Variants in TMEM260 observed in about 807,000 individuals in gnomAD.
The protein encoded by TMEM260 is protein O-mannosyl-transferase TMEM260.
TMEM260 carries 82 observed loss-of-function variants against 88.9 expected under a neutral mutation model. The observed-to-expected ratio is 0.92, with a 90% CI of 0.77 to 1.11. TMEM260 has a LOEUF of 1.11. TMEM260 is among the 50% of genes least tolerant of loss of function. The pLI is 0.00. For missense variants in TMEM260, 902 were observed against 853.4 expected (o/e 1.06, Z -0.71); for synonymous variants, 314 against 309.3 (o/e 1.02, Z -0.16).
downstream of TMEM260, chr14:56,650,384 TCTGA>T (rs1890183132): frequency 2.2e-5 from 5 of 226,434 alleles, no homozygotes; most frequent in South Asian, 2.8e-4. Flanking sequence ...TCCCATGTTA[TCTGA>T]CTAACCACTG....
chr14:56,642,344 A>G (rs1179901473), intron 15 of TMEM260, among the ~76,000 whole-genome samples: 1 of 152,192 alleles, frequency 6.6e-6, no homozygotes, highest in African/African-American at 2.4e-5. Context: ...AGAACTCAGG[A>G]TTAAGAAACT....
chr14:56,605,803 A>G (rs557004874), intron 5 of TMEM260, 120 bp downstream of exon 5: 8 of 584,808 alleles, frequency 1.4e-5, no homozygotes, highest in Non-Finnish European at 2.0e-5. Context: ...AGCATAAATA[A>G]CCCTAGGGCC....
the TMEM260 span, among the ~76,000 whole-genome samples, chr14:56,658,173 G>A: frequency 6.6e-6 from 1 of 152,170 alleles, no homozygotes; most frequent in African/African-American, 2.4e-5. Context: ...AGCAGGCCCT[G>A]CTTCCACAAA....
intron 15 of TMEM260, among the ~76,000 whole-genome samples, chr14:56,641,535 C>G (rs1889593555): frequency 6.6e-6 from 1 of 152,134 alleles, no homozygotes; most frequent in East Asian, 1.9e-4. Context: ...TGGAAAGGAA[C>G]AACCAGTACC....
At chr14:56,652,755 G>C (rs940815534), downstream of TMEM260, among the ~76,000 whole-genome samples, 2 of 152,138 alleles carry the variant, frequency 1.3e-5, no homozygotes, top group South Asian at 2.1e-4. Flanking sequence ...TTTTTACTTA[G>C]AGTGTCATAA....
rs761504259 is a variant in TMEM260, at chr14:56,585,820, GT to G, written c.255del (p.Pro86LeufsTer19). On this transcript the variant is annotated frameshift_variant, in exon 3 of 16. Coordinates refer to ENST00000261556, the MANE Select transcript of TMEM260 (RefSeq NM_017799.4). LOFTEE classifies it high-confidence loss of function. ...TGGTGGCTAAACTGGCAATTACACT[GT>G]TTCCTTTTGGTTCAATTGCCTACCG... ...TLVAKLAITL[F>X]PFGSIAYRVN... is the part of the protein sequence containing the mutation. The G allele has an allele frequency of 4.3e-6, 7 of 1,613,108 alleles. No homozygotes were observed. The highest frequency in any genetic ancestry group is 5.9e-6 in the Non-Finnish European group (7 of 1,179,588).
chr14:56,640,474 T>G lies in TMEM260; in HGVS notation c.1869+3876T>G, dbSNP rs1483096412. ...GGAAAACTAACAAACAGAAAGGACA[T>G]CCACACCAAAAACCCATCTGTACAT... On this transcript the variant is annotated intron_variant, in intron 15 of 15. Transcript: ENST00000261556. 2.6e-5 allele frequency among the ~76,000 whole-genome samples: 4 copies of G among 151,972 alleles called. 1 individual carries two copies. Among genetic ancestry groups the G allele is most frequent in the Non-Finnish European group, 2.9e-5 (2 of 67,982 alleles).
the TMEM260 span, among the ~76,000 whole-genome samples, chr14:56,658,459 C>T: frequency 6.6e-6 from 1 of 152,036 alleles, no homozygotes; most frequent in East Asian, 1.9e-4. Flanking sequence ...GTTAGCCAGG[C>T]TGGTCTCAAA....
rs762051871 is a variant in TMEM260 at position 56,647,407 on chromosome 14, A to G, written c.2034A>G (p.Ala678=). The G allele has an allele frequency of 2.6e-5, 42 of 1,614,098 alleles. No individual in the cohort carries two copies. Among genetic ancestry groups the G allele is most frequent in the Non-Finnish European group, 3.4e-5 (40 of 1,180,042 alleles). ...ATTTCCGTCTGTACTCTCAGAAAGCACCGAATGACCCACAGCAAGCTGATA... is the reference window on the plus strand; with the variant it reads ...ATTTCCGTCTGTACTCTCAGAAAGCGCCGAATGACCCACAGCAAGCTGATA... ...IRHFRLYSQK[A]PNDPQQADIL... The change falls in exon 16 of 16, where the codon GCA becomes GCG. Residue 678 remains alanine (A), a synonymous_variant. Transcript: ENST00000261556.
chr14:56,624,197 A>AT (rs1359312447), intron 11 of TMEM260, among the ~76,000 whole-genome samples: 15 of 152,150 alleles, frequency 9.9e-5, no homozygotes, highest in Non-Finnish European at 2.1e-4. Flanking sequence ...AGCATACTTG[A>AT]TTTTTTTAAT....
intron 14 of TMEM260, among the ~76,000 whole-genome samples, chr14:56,636,003 T>C (rs2139634681): frequency 6.6e-6 from 1 of 152,316 alleles, no homozygotes; most frequent in African/African-American, 2.4e-5. Flanking sequence ...TGATTGAATG[T>C]GGGAAAGCGG....
chr14:56,628,947 G>A (rs1888407864), intron 12 of TMEM260, among the ~76,000 whole-genome samples: 1 of 150,888 alleles, frequency 6.6e-6, no homozygotes, highest in Non-Finnish European at 1.5e-5. Flanking sequence ...CCAGGCAGGA[G>A]TACAGTGGCA....
chr14:56,611,268 C>T (rs1485524729), intron 6 of TMEM260, among the ~76,000 whole-genome samples: 1 of 152,008 alleles, frequency 6.6e-6, no homozygotes, highest in Non-Finnish European at 1.5e-5. Flanking sequence ...ACCCAGCCTG[C>T]CAATTATTAC....
intron 3 of TMEM260, among the ~76,000 whole-genome samples, chr14:56,593,677 C>CTTTTTTTTTTTTTTTTTTT (rs34268894): frequency 1.6e-5 from 1 of 63,506 alleles, no homozygotes; most frequent in East Asian, 4.7e-4. Flanking sequence ...AGGTGAGTGT[C>CTTTTTTTTTTTTTTTTTTT]TTTTTTTTTT....
At chr14:56,652,489 CAA>C (rs34203722), downstream of TMEM260, among the ~76,000 whole-genome samples, 2,703 of 115,166 alleles carry the variant, frequency 0.023, 36 homozygotes, top group Middle Eastern at 0.08. Context: ...CAGAGTGTCT[CAA>C]AAAAAAAAAA....
chr14:56,604,119 A>T, intron 4 of TMEM260, 127 bp downstream of exon 4: 2 of 889,186 alleles, frequency 2.2e-6, no homozygotes, highest in Non-Finnish European at 3.2e-6. Context: ...TAGCATGCTG[A>T]GAGAGAAAAT....
chr14:56,626,949 T>C (rs951232103), intron 12 of TMEM260, among the ~76,000 whole-genome samples: 11 of 152,178 alleles, frequency 7.2e-5, no homozygotes, highest in Non-Finnish European at 1.6e-4. Context: ...ATACATACTG[T>C]ATTATATATA....
chr14:56,632,947 T>C (rs969310910), intron 12 of TMEM260, 48 bp from the exon 13 acceptor site: 1 of 1,516,680 alleles, frequency 6.6e-7, no homozygotes, highest in Non-Finnish European at 9.0e-7. Flanking sequence ...ACTTAACATT[T>C]AAAACTTTAA....
chr14:56,663,143 T>G, the TMEM260 span, among the ~76,000 whole-genome samples: 4 of 152,280 alleles, frequency 2.6e-5, no homozygotes, highest in South Asian at 8.3e-4. The surrounding 1 kb of genome is among the most constrained non-coding windows in gnomAD (Gnocchi z 4.1). Context: ...AAAAAAGCAG[T>G]TGCATTAAAT....
Sources: gnomAD v4.1 joint callset for allele counts (sites outside exome capture counted in the v4.1 genomes callset) on GRCh38, gnomAD v4.1.1 for gene constraint, Gnocchi (gnomAD v3.1) non-coding constraint, MANE v1.5 for transcripts, NCBI Gene and HGNC (gene_info 2026-07-23, HGNC 2026-07-21) for gene names.